The following MAML1 variants were observed in gnomAD, a reference collection of about 807,000 sequenced individuals.
MAML1 encodes mastermind-like protein 1.
A neutral mutation model predicts 77.1 loss-of-function variants in MAML1; 14 were observed. The ratio of observed to expected loss-of-function variants is 0.18; its 90% CI spans 0.12 to 0.28. The LOEUF (loss-of-function observed/expected upper bound fraction) is 0.28, where lower values mean the gene tolerates loss of function less well. Among genes scored for constraint, MAML1 ranks in the 10% least tolerant of loss-of-function variants. MAML1 has a pLI of 1.00. For missense variants in MAML1, 1,217 were observed against 1,327.8 expected, an observed-to-expected ratio of 0.92 and a Z score of 1.30; for synonymous variants, 516 against 551.9, an observed-to-expected ratio of 0.93 and a Z score of 0.91.
intron 1 of MAML1, among the ~76,000 whole-genome samples, chr5:179,741,193 C>T (rs768675672): frequency 3.3e-5 from 5 of 152,168 alleles, no homozygotes; most frequent in Non-Finnish European, 7.3e-5. Context: ...CAATTCCCAG[C>T]GTTCAGTTGG....
intron 1 of MAML1, among the ~76,000 whole-genome samples, chr5:179,753,212 T>C (rs947551012): frequency 2.1e-4 from 25 of 120,916 alleles, no homozygotes; most frequent in African/African-American, 7.5e-4. Flanking sequence ...TGTGTGTGTG[T>C]GTGTGTGTGT....
At position 179,740,993 on chromosome 5, in the gene MAML1, G is replaced by A. The variant is rs1779273871; in HGVS notation, c.315+7566G>A. On this transcript the variant is annotated intron_variant, in intron 1 of 4. Coordinates refer to ENST00000292599, the MANE Select transcript of MAML1 (RefSeq NM_014757.5). ...TAATACTCTTCAAATCCCCAGTCCA[G>A]ATCTGTCTTCCAGATTTCAAATCCA... Among the ~76,000 whole-genome samples, 11 of 152,152 alleles carry A rather than the reference G, an allele frequency of 7.2e-5. No individual in the cohort carries two copies. In the South Asian group the frequency reaches 2.3e-3, roughly 31 times the overall value.
At chr5:179,751,503 G>A (rs556880604) in intron 1 of MAML1, among the ~76,000 whole-genome samples, 4 of 152,136 alleles carry the variant, frequency 2.6e-5, no homozygotes, top group East Asian at 3.9e-4. Context: ...GGTCAAGTTC[G>A]AGACCACCCT....
Position 179,776,424 on chromosome 5 carries a change from G to T in MAML1, c.*1547G>T. 1 of 985,842 alleles carries T rather than the reference G, an allele frequency of 1.0e-6. No homozygotes were observed. Among genetic ancestry groups the T allele is most frequent in the South Asian group, 4.7e-5 (1 of 21,288 alleles). 61.1% of individuals were successfully genotyped at this position (985,842 alleles called of 1,614,324 possible). ...TGCACCAGCAGTGCCTTTCTCACTG[G>T]GGGTACTTGGACCCTCAGATCTTCT... On this transcript the variant is annotated 3_prime_UTR_variant, in exon 5 of 5. Coordinates refer to ENST00000292599, the MANE Select transcript of MAML1 (RefSeq NM_014757.5).
Position 179,776,774 on chromosome 5 carries a change from TG to T in MAML1, c.*1902del. The T allele has an allele frequency of 8.1e-6, 8 of 985,894 alleles. No individual in the cohort carries two copies. The highest frequency in any genetic ancestry group is 9.6e-6 in the Non-Finnish European group (8 of 829,988). The allele number at this position is 985,894 out of a possible 1,614,324, so 61.1% of individuals were successfully genotyped here. A position where few individuals can be genotyped will look rare whatever the true frequency, so the allele number is the denominator to read the frequency against. ...CTTAGTCCTGGGGCCGGCGACACAG[TG>T]GGGGCTCCTCACTTGCTGCAGTGTC... On this transcript the variant is annotated 3_prime_UTR_variant, in exon 5 of 5. Transcript: ENST00000292599.
chr5:179,775,082 A>C lies in MAML1; in HGVS notation c.*205A>C. On this transcript the variant is annotated 3_prime_UTR_variant, in exon 5 of 5. Coordinates refer to ENST00000292599, the MANE Select transcript of MAML1 (RefSeq NM_014757.5). ...AGTTGAGGTCCATCGGGCTGGCCCC[A>C]GCCCATCTGCTGGCATCAGTACCTG... 2 of 1,379,596 alleles carry C rather than the reference A, an allele frequency of 1.4e-6. No homozygotes were observed. Among genetic ancestry groups the C allele is most frequent in the South Asian group, 3.6e-5 (2 of 56,128 alleles). 85.5% of individuals were successfully genotyped at this position (1,379,596 alleles called of 1,614,324 possible).
intron 1 of MAML1, among the ~76,000 whole-genome samples, chr5:179,750,411 C>A (rs1008034699): frequency 6.6e-6 from 1 of 152,014 alleles, no homozygotes; most frequent in African/African-American, 2.4e-5. Flanking sequence ...GCTTGTTTCT[C>A]TGCTGTATCC....
At chr5:179,761,133 C>T (rs1471030072) in intron 1 of MAML1, among the ~76,000 whole-genome samples, 1 of 151,804 alleles carries the variant, frequency 6.6e-6, no homozygotes, top group African/African-American at 2.4e-5. Flanking sequence ...ATGGCTCACA[C>T]CTGTAATCCC....
Position 179,765,335 on chromosome 5 carries a change from G to T in MAML1, c.325G>T (p.Asp109Tyr). ...TTTCAATGTTTTTCAGCATCTTCAT[G>T]ATACAGTTAAGAGGAATCTTGACAG... ...EHGRPATHLH[D>Y]TVKRNLDSAT... Residue 109 changes from aspartate (D) to tyrosine (Y), a missense_variant, in exon 2 of 5, where the codon GAT becomes TAT. This residue lies in a region of MAML1 where 312 missense variants were observed against 331.4 expected (regional missense o/e 0.94). Transcript: ENST00000292599. 1 of 1,591,786 alleles carries T rather than the reference G, an allele frequency of 6.3e-7. No homozygotes were observed. The highest frequency in any genetic ancestry group is 8.5e-7 in the Non-Finnish European group (1 of 1,170,788).
At chr5:179,772,859 C>T (rs1441563851) in intron 4 of MAML1, among the ~76,000 whole-genome samples, 1 of 152,198 alleles carries the variant, frequency 6.6e-6, no homozygotes, top group East Asian at 1.9e-4. Context: ...GCCACACTCT[C>T]AGTCCAGCCA....
At chr5:179,746,126 A>T (rs1245737898) in intron 1 of MAML1, among the ~76,000 whole-genome samples, 1 of 151,190 alleles carries the variant, frequency 6.6e-6, no homozygotes, top group Non-Finnish European at 1.5e-5. Context: ...GGTGCGGATC[A>T]CCTGAGGTCA....
intron 1 of MAML1, among the ~76,000 whole-genome samples, chr5:179,738,500 A>G (rs2113332943): frequency 6.6e-6 from 1 of 152,184 alleles, no homozygotes. Flanking sequence ...AATGCCTGAG[A>G]CCTTGTCTAG....
intron 1 of MAML1, among the ~76,000 whole-genome samples, chr5:179,734,962 C>CA (rs147799082): frequency 0.021 from 3,166 of 152,218 alleles, 129 homozygotes; most frequent in African/African-American, 0.073. Context: ...AGGCATGAGC[C>CA]ACCGCACCGT....
intron 1 of MAML1, among the ~76,000 whole-genome samples, chr5:179,741,919 G>A (rs1779291334): frequency 6.6e-6 from 1 of 151,800 alleles, no homozygotes; most frequent in Admixed American, 6.6e-5. Context: ...TATTTTTTGA[G>A]ACAGAGTCTC....
At chr5:179,767,095 CTTTTTT>C (rs10707656) in intron 2 of MAML1, among the ~76,000 whole-genome samples, 1 of 100,940 alleles carries the variant, frequency 9.9e-6, no homozygotes, top group Non-Finnish European at 2.0e-5. Context: ...AGAGGCTTGG[CTTTTTT>C]TTTTTTTTTT....
At chr5:179,744,438 G>A (rs541379052) in intron 1 of MAML1, among the ~76,000 whole-genome samples, 4 of 151,874 alleles carry the variant, frequency 2.6e-5, no homozygotes, top group Admixed American at 6.6e-5. Context: ...CACCTGCCTC[G>A]GCCTCCTAAA....
Position 179,774,324 on chromosome 5 carries a change from G to C in MAML1, c.2498G>C (p.Gly833Ala). 6.2e-7 allele frequency: 1 copy of C among 1,613,462 alleles called. No homozygotes were observed. The highest frequency in any genetic ancestry group is 1.1e-5 in the South Asian group (1 of 91,088). ...GTCCCAAGGGTGTCACCAGCCATGG[G>C]AGGCCAGAATTCCTCCTGGCAGCAT... ...PPVPRVSPAM[G>A]GQNSSWQHQG... Residue 833 changes from glycine to alanine, a missense_variant, in exon 5 of 5, where the codon GGA (glycine) becomes GCA (alanine). Gly to Ala is a moderately conservative substitution (Grantham distance 60, BLOSUM62 0). This residue lies in a region of MAML1 where 884 missense variants were observed against 949.3 expected (regional missense o/e 0.93). Transcript: ENST00000292599.
At chr5:179,760,326 G>T (rs977911173) in intron 1 of MAML1, among the ~76,000 whole-genome samples, 4 of 152,084 alleles carry the variant, frequency 2.6e-5, no homozygotes, top group African/African-American at 9.7e-5. Flanking sequence ...TGGGTGGTAG[G>T]TGATGTGGAT....
intron 1 of MAML1, among the ~76,000 whole-genome samples, chr5:179,746,385 T>G (rs1359409879): frequency 1.3e-5 from 2 of 152,144 alleles, no homozygotes; most frequent in African/African-American, 4.8e-5. Flanking sequence ...AATGTTTTGT[T>G]TTTTTTGAGA....
Sources: allele counts gnomAD v4.1 joint callset (sites outside exome capture counted in the v4.1 genomes callset), GRCh38; gene constraint gnomAD v4.1.1; regional missense constraint gnomAD v4.1.1; transcripts MANE v1.5; gene names NCBI Gene and HGNC (gene_info 2026-07-23, HGNC 2026-07-21).